EFL1: variants seen among roughly 807,000 people sequenced by gnomAD.
EFL1 encodes elongation factor like GTPase 1, also known as elongation factor-like GTPase 1.
Under a neutral mutation model 126.7 loss-of-function variants are expected in EFL1, and 76 were observed. The observed-to-expected ratio is 0.60, with a 90% CI of 0.50 to 0.73. The LOEUF (loss-of-function observed/expected upper bound fraction) is 0.73. EFL1 is among the 30% of genes least tolerant of loss of function. The pLI is 0.00. For missense variants in EFL1, 1,128 were observed against 1,343.2 expected (o/e 0.84, Z 2.50); for synonymous variants, 410 against 448.4 (o/e 0.91, Z 1.08).
At chr15:82,209,687 C>A (rs1388792133) in intron 15 of EFL1, among the ~76,000 whole-genome samples, 2 of 152,144 alleles carry the variant, frequency 1.3e-5, no homozygotes, top group Non-Finnish European at 2.9e-5. Flanking sequence ...TCTCTCTGGT[C>A]CCATCTATAC....
chr15:82,163,080 A>G (rs2134047), intron 16 of EFL1, among the ~76,000 whole-genome samples: 152,347 of 152,352 alleles, frequency 1, 76,171 homozygotes, highest in Non-Finnish European at 1. Context: ...ATGGTCAGGT[A>G]TATGTGAATG....
At chr15:82,257,119 C>T (rs2075073561) in intron 3 of EFL1, among the ~76,000 whole-genome samples, 1 of 152,142 alleles carries the variant, frequency 6.6e-6, no homozygotes, top group Non-Finnish European at 1.5e-5. Context: ...AAGATTTTTG[C>T]CAGCCAATTC....
intron 4 of EFL1, among the ~76,000 whole-genome samples, chr15:82,247,596 G>A (rs554954274): frequency 5.3e-5 from 8 of 152,148 alleles, no homozygotes; most frequent in Non-Finnish European, 1.0e-4. Context: ...AGAGATACGT[G>A]GAACATGAAT....
chr15:82,141,786 G>A (rs1183179448), intron 18 of EFL1, among the ~76,000 whole-genome samples: 1 of 152,108 alleles, frequency 6.6e-6, no homozygotes, highest in African/African-American at 2.4e-5. Context: ...GGAAAGTGGG[G>A]CAAACAGACC....
At chr15:82,181,262 G>A (rs889082889) in intron 15 of EFL1, among the ~76,000 whole-genome samples, 1 of 152,074 alleles carries the variant, frequency 6.6e-6, no homozygotes, top group Non-Finnish European at 1.5e-5. Flanking sequence ...CTCTCCAGAT[G>A]ACCAATAAGA....
At chr15:82,229,308 C>A (rs752744430) in intron 8 of EFL1, among the ~76,000 whole-genome samples, 198 bp from the exon 9 acceptor site, 4 of 152,138 alleles carry the variant, frequency 2.6e-5, no homozygotes, top group Admixed American at 2.0e-4. Flanking sequence ...ACTGTTCTTT[C>A]CTCTGGGAAC....
At chr15:82,243,585 G>A (rs371240099) in intron 4 of EFL1, among the ~76,000 whole-genome samples, 31,720 of 72,414 alleles carry the variant, frequency 0.44, 7,548 homozygotes, top group African/African-American at 0.5. Context: ...TGATACGACC[G>A]GGACCTGATA....
intron 3 of EFL1, among the ~76,000 whole-genome samples, chr15:82,258,793 A>G (rs2075088133): frequency 6.6e-6 from 1 of 152,052 alleles, no homozygotes. Flanking sequence ...TCCTCAAACC[A>G]CTCAACTCAT....
At chr15:82,216,051 A>G (rs2074642578) in intron 14 of EFL1, among the ~76,000 whole-genome samples, 2 of 152,200 alleles carry the variant, frequency 1.3e-5, no homozygotes, top group Admixed American at 1.3e-4. Flanking sequence ...ATGCAAGATC[A>G]ATATACAAAA....
At chr15:82,158,849 G>T (rs185585635) in intron 16 of EFL1, among the ~76,000 whole-genome samples, 4 of 152,310 alleles carry the variant, frequency 2.6e-5, no homozygotes, top group African/African-American at 9.6e-5. Context: ...ACATATATGA[G>T]CTCATTAACG....
At chr15:82,207,405 T>C (rs2074537121) in intron 15 of EFL1, among the ~76,000 whole-genome samples, 1 of 151,832 alleles carries the variant, frequency 6.6e-6, no homozygotes, top group Admixed American at 6.6e-5. Flanking sequence ...TATTTAACAC[T>C]GTTCTGAAAG....
chr15:82,232,420 G>T (rs2074831764), intron 7 of EFL1, among the ~76,000 whole-genome samples: 1 of 152,058 alleles, frequency 6.6e-6, no homozygotes, highest in South Asian at 2.1e-4. Flanking sequence ...CTTAAATTCT[G>T]ACTTTAATTA....
intron 3 of EFL1, among the ~76,000 whole-genome samples, chr15:82,256,026 T>A (rs562025857): frequency 6.6e-6 from 1 of 152,258 alleles, no homozygotes. Context: ...ATTTTTTAAA[T>A]GTCATTTAAA....
chr15:82,196,882 A>G (rs1415170170), intron 15 of EFL1, among the ~76,000 whole-genome samples: 1 of 152,092 alleles, frequency 6.6e-6, no homozygotes, highest in African/African-American at 2.4e-5. Context: ...AAATACAAAA[A>G]TTAGCCGGGC....
At chr15:82,172,888 CTTACA>C (rs1314650197) in intron 15 of EFL1, among the ~76,000 whole-genome samples, 1 of 152,104 alleles carries the variant, frequency 6.6e-6, no homozygotes, top group Non-Finnish European at 1.5e-5. Flanking sequence ...TTATTTATCC[CTTACA>C]TTAAAGTATT....
intron 3 of EFL1, among the ~76,000 whole-genome samples, chr15:82,255,088 A>G (rs1259828914): frequency 6.6e-6 from 1 of 152,220 alleles, no homozygotes; most frequent in Non-Finnish European, 1.5e-5. Context: ...ACCTAACTTG[A>G]TATTTCCAAA....
chr15:82,180,373 C>CAAAAAAAA (rs200867541), intron 15 of EFL1, among the ~76,000 whole-genome samples: 2 of 94,018 alleles, frequency 2.1e-5, no homozygotes, highest in Non-Finnish European at 2.1e-5. Context: ...AAAAAAAAAA[C>CAAAAAAAA]AAAAAAAAAA....
At chr15:82,196,186 A>G (rs2074406425) in intron 15 of EFL1, among the ~76,000 whole-genome samples, 1 of 152,160 alleles carries the variant, frequency 6.6e-6, no homozygotes, top group Non-Finnish European at 1.5e-5. Context: ...ACGAATCCTC[A>G]CTGTCAGCTT....
chr15:82,217,532 A>T (rs1011735908), intron 14 of EFL1, among the ~76,000 whole-genome samples: 1 of 151,894 alleles, frequency 6.6e-6, no homozygotes, highest in Non-Finnish European at 1.5e-5. Context: ...ACAAAGTTAA[A>T]AAAAAAAAGG....
Sources: allele counts gnomAD v4.1 joint callset (sites outside exome capture counted in the v4.1 genomes callset), GRCh38; gene constraint gnomAD v4.1.1; transcripts MANE v1.5; gene names NCBI Gene and HGNC (gene_info 2026-07-23, HGNC 2026-07-21).